B4GALNT4: variants seen among roughly 807,000 people sequenced by gnomAD.
B4GALNT4 encodes N-acetyl-beta-glucosaminyl-glycoprotein 4-beta-N-acetylgalactosaminyltransferase 1.
A neutral mutation model predicts 110.0 loss-of-function variants in B4GALNT4; 77 were observed. The ratio of observed to expected loss-of-function variants is 0.70; its 90% CI spans 0.58 to 0.85. The LOEUF (loss-of-function observed/expected upper bound fraction) is 0.85. B4GALNT4 is among the 40% of genes least tolerant of loss of function. The pLI, the probability that B4GALNT4 is intolerant of heterozygous loss-of-function variation, is 0.00. For missense variants in B4GALNT4, 1,575 were observed against 1,506.0 expected (o/e 1.05, Z -0.76); for synonymous variants, 785 against 655.5 (o/e 1.20, Z -3.02).
At position 380,785 on chromosome 11, in the gene B4GALNT4, C is replaced by T. The variant is rs926577146; in HGVS notation, c.2870-40C>T. 17 of 1,613,412 alleles carry T rather than the reference C, an allele frequency of 1.1e-5. No homozygotes were observed. The South Asian group carries it at 1.5e-4, about 15-fold the overall frequency. Reference sequence around the variant, plus strand: ...GCTTTGCCGGGGGGACCTTGCAGGACCTGGTCTGAAGGGTAGCACCCCTCA... The same window carrying T: ...GCTTTGCCGGGGGGACCTTGCAGGATCTGGTCTGAAGGGTAGCACCCCTCA... On this transcript the variant is annotated intron_variant, in intron 18 of 19. Transcript: ENST00000329962.
In B4GALNT4 at chr11:379,560, G is replaced by C; in HGVS notation, c.2347G>C (p.Gly783Arg). 6.3e-7 allele frequency: 1 copy of C among 1,587,634 alleles called. No individual in the cohort carries two copies. The highest frequency in any genetic ancestry group is 8.6e-7 in the Non-Finnish European group (1 of 1,169,180). Reference protein sequence around the residue: ...LSEYVFLRLPGARVGDADGES... With the variant: ...LSEYVFLRLPRARVGDADGES... ...CGAGTACGTCTTCCTGCGGCTGCCG[G>C]GAGCCCGCGTAGGGGATGCAGACGG... is the stretch of plus-strand genomic sequence containing the variant. The change falls in exon 15 of 20, where the codon GGA (glycine) becomes CGA (arginine). Residue 783 changes from glycine to arginine, a missense_variant. Coordinates refer to ENST00000329962, the MANE Select transcript of B4GALNT4 (RefSeq NM_178537.5).
At chr11:381,064 G>T in intron 19 of B4GALNT4, 113 bp downstream of exon 19, 1 of 1,488,724 alleles carries the variant, frequency 6.7e-7, no homozygotes, top group Non-Finnish European at 8.9e-7. Context: ...AGAGAACTCT[G>T]CCCTTCCCGG....
Position 380,287 on chromosome 11 carries a change from C to G in B4GALNT4, c.2716-5C>G, listed in dbSNP as rs756686099. 1.3e-4 allele frequency: 204 copies of G among 1,612,786 alleles called. No individual in the cohort carries two copies. The highest frequency in any genetic ancestry group is 4.3e-4 in the Admixed American group (26 of 59,970). On this transcript the variant is annotated splice_region_variant and splice_polypyrimidine_tract_variant and intron_variant, in intron 17 of 19. Transcript: ENST00000329962. The stretch of plus-strand genomic sequence containing the variant: ...GGCGGGGCTCAGACCTCCCGCACCC[C>G]CCAGGACGCCAGCAGCATCGTGTTC...
chr11:376,963 G>C lies in B4GALNT4; in HGVS notation c.1840G>C (p.Val614Leu), dbSNP rs1057509007. The C allele has an allele frequency of 2.8e-6, 4 of 1,454,054 alleles. No homozygotes were observed. The highest frequency in any genetic ancestry group is 3.6e-6 in the Non-Finnish European group (4 of 1,108,958). The allele number at this position is 1,454,054 out of a possible 1,614,324, so 90.1% of individuals were successfully genotyped here. A position where few individuals can be genotyped will look rare whatever the true frequency, so the allele number is the denominator to read the frequency against. Residue 614 changes from valine (V) to leucine (L), a missense_variant, in exon 14 of 20, where the codon GTG becomes CTG. Physicochemically the swap from Val to Leu is conservative, Grantham distance 32. Coordinates refer to ENST00000329962, the MANE Select transcript of B4GALNT4 (RefSeq NM_178537.5). Reference sequence around the variant, plus strand: ...CACGCTGGGACCTGCGGCGCCCACAGTGGACTCAAACTTGTCCTCCGAAGC... The same window carrying C: ...CACGCTGGGACCTGCGGCGCCCACACTGGACTCAAACTTGTCCTCCGAAGC... Reference protein sequence around the residue: ...ARTLGPAAPTVDSNLSSEARP... With the variant: ...ARTLGPAAPTLDSNLSSEARP...
rs1430980375 is a variant in B4GALNT4 at position 376,780 on chromosome 11, G to A, written c.1657G>A (p.Val553Ile). 2.9e-6 allele frequency: 4 copies of A among 1,386,682 alleles called. No homozygotes were observed. Among genetic ancestry groups the A allele is most frequent in the South Asian group, 2.9e-5 (2 of 68,016 alleles). The allele number at this position is 1,386,682 out of a possible 1,614,324, so 85.9% of individuals were successfully genotyped here. A position where few individuals can be genotyped will look rare whatever the true frequency, so the allele number is the denominator to read the frequency against. The change falls in exon 14 of 20, where the codon GTC becomes ATC. Residue 553 changes from valine to isoleucine, a missense_variant. Val to Ile is a conservative substitution (Grantham distance 29). Transcript: ENST00000329962. The stretch of plus-strand genomic sequence containing the variant: ...TGCGCCCTGGCCGCCCTTCCCTGGC[G>A]TCTTCCTGCACCCCAGGCCTCTGCC... ...PRAPWPPFPG[V>I]FLHPRPLPRV...
chr11:379,532 G>A lies in B4GALNT4; in HGVS notation c.2319G>A (p.Leu773=). ...AGCGCGGGGGCGGCCGCCTGCGACT[G>A]TCCGAGTACGTCTTCCTGCGGCTGC... ...LQERGGGRLR[L]SEYVFLRLPG... Residue 773 remains leucine (L), a synonymous_variant, in exon 15 of 20, where the codon CTG becomes CTA. Transcript: ENST00000329962. 6.3e-7 allele frequency: 1 copy of A among 1,586,262 alleles called. No homozygotes were observed. Among genetic ancestry groups the A allele is most frequent in the Non-Finnish European group, 8.5e-7 (1 of 1,169,946 alleles).
Position 380,000 on chromosome 11 carries a change from C to T in B4GALNT4, c.2623C>T (p.Arg875Cys), listed in dbSNP as rs570874065. Residue 875 changes from arginine to cysteine, a missense_variant, in exon 16 of 20, where the codon CGC becomes TGC. Physicochemically the swap from Arg to Cys is radical, Grantham distance 180. Transcript: ENST00000329962. Reference protein sequence around the residue: ...SEDMDVERALRAARLPRYQYL... With the variant: ...SEDMDVERALCAARLPRYQYL... ...GGATATGGACGTGGAGCGGGCCCTG[C>T]GCGCCGCGCGCCTGCCCCGGTAACG... 1 of 1,612,578 alleles carries T rather than the reference C, an allele frequency of 6.2e-7. No individual in the cohort carries two copies. The highest frequency in any genetic ancestry group is 8.5e-7 in the Non-Finnish European group (1 of 1,179,526).
At chr11:372,456 C>T (rs7482311) in intron 2 of B4GALNT4, among the ~76,000 whole-genome samples, 15,973 of 151,906 alleles carry the variant, frequency 0.11, 1,119 homozygotes, top group Admixed American at 0.17. Context: ...GTGGGGTGGC[C>T]AAGCATCTGC....
Position 376,245 on chromosome 11 carries a change from C to T in B4GALNT4, c.1197-6C>T, listed in dbSNP as rs113071143. 2,954 of 1,607,858 alleles carry T rather than the reference C, an allele frequency of 1.8e-3. 39 individuals are homozygous for T. In the African/African-American group the frequency reaches 0.031, roughly 17 times the overall value. ...GACTCGGCTCTGATGCCCCGCCGCG[C>T]CCCAGGTTTGGGTTCTATAAATACA... On this transcript the variant is annotated splice_region_variant and splice_polypyrimidine_tract_variant and intron_variant, in intron 12 of 19. Transcript: ENST00000329962.
chr11:370,003 G>GGGCGCGGGC (rs1554913309), intron 1 of B4GALNT4, 49 bp downstream of exon 1: 34 of 140,746 alleles, frequency 2.4e-4, no homozygotes, highest in South Asian at 1.6e-3. Context: ...GCGGCGCGGG[G>GGGCGCGGGC]GGCGCGGGGG....
rs1456161119 is a variant in B4GALNT4 at position 376,978 on chromosome 11, T to C, written c.1855T>C (p.Ser619Pro). The stretch of plus-strand genomic sequence containing the variant: ...GGCGCCCACAGTGGACTCAAACTTG[T>C]CCTCCGAAGCGCGGCCCGTGACCTC... The part of the protein sequence containing the change: ...PAAPTVDSNL[S>P]SEARPVTSFL... Residue 619 changes from serine (S) to proline (P), a missense_variant, in exon 14 of 20, where the codon TCC becomes CCC. Physicochemically the swap from Ser to Pro is moderately conservative, Grantham distance 74 (BLOSUM62 -1). Coordinates refer to ENST00000329962, the MANE Select transcript of B4GALNT4 (RefSeq NM_178537.5). 1 of 1,457,700 alleles carries C rather than the reference T, an allele frequency of 6.9e-7. No individual in the cohort carries two copies. Among genetic ancestry groups the C allele is most frequent in the Non-Finnish European group, 9.0e-7 (1 of 1,110,562 alleles). The allele number at this position is 1,457,700 out of a possible 1,614,324, so 90.3% of individuals were successfully genotyped here.
intron 1 of B4GALNT4, among the ~76,000 whole-genome samples, chr11:371,809 C>T (rs762512413): frequency 1.3e-5 from 2 of 152,240 alleles, no homozygotes; most frequent in African/African-American, 2.4e-5. Flanking sequence ...TGCCTACACA[C>T]GCCAGCTGGC....
At position 381,188 on chromosome 11, in the gene B4GALNT4, C is replaced by G. The variant is rs1332441413; in HGVS notation, c.2996+237C>G. ...GGGACATCCCTGAACCAGCTCTGCC[C>G]CCGATCCCATAGGCCCTGGGTGGCC... On this transcript the variant is annotated intron_variant, in intron 19 of 19. Transcript: ENST00000329962. 3 of 972,920 alleles carry G rather than the reference C, an allele frequency of 3.1e-6. No homozygotes were observed. The East Asian group carries it at 3.4e-4, about 111-fold the overall frequency. 60.3% of individuals were successfully genotyped at this position (972,920 alleles called of 1,614,324 possible).
chr11:381,721 C>A lies in B4GALNT4; in HGVS notation c.3049C>A (p.His1017Asn). The A allele has an allele frequency of 6.3e-7, 1 of 1,592,108 alleles. No homozygotes were observed. Among genetic ancestry groups the A allele is most frequent in the Non-Finnish European group, 8.5e-7 (1 of 1,171,120 alleles). ...GCGGCTCCGACTGCGGAATTTCTAT[C>A]ACCACTACCACTCCAAGAGGGGCAT... is the stretch of plus-strand genomic sequence containing the variant. ...VERLRLRNFY[H>N]HYHSKRGMWS... Residue 1017 changes from histidine to asparagine, a missense_variant, in exon 20 of 20, where the codon CAC becomes AAC. Transcript: ENST00000329962.
At position 377,315 on chromosome 11, in the gene B4GALNT4, C is replaced by A. The variant is rs753922131; in HGVS notation, c.2192C>A (p.Ala731Glu). 1.3e-6 allele frequency: 2 copies of A among 1,541,950 alleles called. No individual in the cohort carries two copies. The highest frequency in any genetic ancestry group is 1.4e-5 in the African/African-American group (1 of 72,192). Residue 731 changes from alanine to glutamate, a missense_variant, in exon 14 of 20, where the codon GCG (alanine) becomes GAG (glutamate). Ala to Glu is a moderately radical substitution (Grantham distance 107). Transcript: ENST00000329962. ...VTAQYMERLN[A>E]RHGGRFALLR... ...GCTCAGTACATGGAGCGGCTGAACG[C>A]GCGCCACGGCGGGTATGGGGGCGGC...
At chr11:379,837 C>T (rs1469831993) in intron 15 of B4GALNT4, 29 bp from the exon 16 acceptor site, 4 of 1,565,314 alleles carry the variant, frequency 2.6e-6, no homozygotes, top group Admixed American at 1.8e-5. Flanking sequence ...AGCGTCGGCT[C>T]AGCGCCCCCC....
chr11:376,686 G>A lies in B4GALNT4; in HGVS notation c.1563G>A (p.Pro521=), dbSNP rs1564870792. 3 of 1,424,612 alleles carry A rather than the reference G, an allele frequency of 2.1e-6. No homozygotes were observed. The highest frequency in any genetic ancestry group is 1.4e-5 in the South Asian group (1 of 73,528). The allele number at this position is 1,424,612 out of a possible 1,614,324, so 88.2% of individuals were successfully genotyped here. ...CCCCGCGCCCTGCAGTGGAGCAGCC[G>A]CCCCCAAAGGTGTACGTGACCAGGG... ...APPPRPAVEQ[P]PPKVYVTRVR... is the part of the protein sequence containing the mutation. Residue 521 remains proline (P), a synonymous_variant, in exon 14 of 20, where the codon CCG becomes CCA. Transcript: ENST00000329962.
chr11:369,524 T>A lies in B4GALNT4; in HGVS notation c.-280T>A, dbSNP rs1236847992. Among the ~76,000 whole-genome samples the A allele has an allele frequency of 7.5e-6, 1 of 133,646 alleles. No homozygotes were observed. The highest frequency in any genetic ancestry group is 2.8e-5 in the African/African-American group (1 of 35,676). The allele number at this position is 133,646 out of a possible 152,430, so 87.7% of individuals were successfully genotyped here. ...GATCCGCGGTGGCAGCCGTGGATGC[T>A]GTTCGGTCCCGCCGCCGCCCCAGGA... On this transcript the variant is annotated 5_prime_UTR_variant, in exon 1 of 20. Coordinates refer to ENST00000329962, the MANE Select transcript of B4GALNT4 (RefSeq NM_178537.5).
rs866471311 is a variant in B4GALNT4, at chr11:377,183, G to T, written c.2060G>T (p.Ser687Ile). 1 of 1,580,664 alleles carries T rather than the reference G, an allele frequency of 6.3e-7. No individual in the cohort carries two copies. Residue 687 changes from serine (S) to isoleucine (I), a missense_variant, in exon 14 of 20, where the codon AGC (serine) becomes ATC (isoleucine). By Grantham distance (142) the Ser-to-Ile change is moderately radical. Transcript: ENST00000329962. ...EDAIDWQRTFSVGAVDFELLR... is the reference protein window; with the variant it reads ...EDAIDWQRTFIVGAVDFELLR... The stretch of plus-strand genomic sequence containing the variant: ...GCCATCGACTGGCAGCGCACGTTCA[G>T]CGTGGGCGCCGTGGACTTCGAGCTG...
Sources: gnomAD v4.1 joint callset for allele counts (sites outside exome capture counted in the v4.1 genomes callset) on GRCh38, gnomAD v4.1.1 for gene constraint, MANE v1.5 for transcripts, NCBI Gene and HGNC (gene_info 2026-07-23, HGNC 2026-07-21) for gene names.